Variants in TUBA1C observed in about 807,000 individuals in gnomAD.
TUBA1C encodes tubulin alpha 1c, also known as tubulin alpha-1C chain.
Under a neutral mutation model 34.9 loss-of-function variants are expected in TUBA1C, and 16 were observed. That is an observed-to-expected ratio of 0.46 (90% CI 0.31 to 0.70). TUBA1C has a LOEUF of 0.70. Ranked by LOEUF, TUBA1C falls within the 30% of genes least tolerant of loss-of-function variation. The probability of loss-of-function intolerance (pLI) is 0.05; values close to 1 mark genes in which losing one functional copy is unlikely to be tolerated. For missense variants in TUBA1C, 329 were observed against 587.3 expected, an observed-to-expected ratio of 0.56 and a Z score of 4.55; for synonymous variants, 177 against 215.9, an observed-to-expected ratio of 0.82 and a Z score of 1.58.
intron 1 of TUBA1C, among the ~76,000 whole-genome samples, chr12:49,268,514 A>G (rs1942946475): frequency 6.6e-6 from 1 of 151,884 alleles, no homozygotes; most frequent in African/African-American, 2.4e-5. Flanking sequence ...AAGTGCTGGG[A>G]TTACAGGTGT....
intron 1 of TUBA1C, chr12:49,257,861 A>AT (rs1376228033): frequency 1.6e-5 from 3 of 192,168 alleles, no homozygotes; most frequent in Non-Finnish European, 2.2e-5. Flanking sequence ...AAAAGTTTAC[A>AT]ATTTTTTTTT....
intron 3 of TUBA1C, chr12:49,270,183 AT>A: frequency 1.8e-6 from 2 of 1,094,438 alleles, no homozygotes; most frequent in Non-Finnish European, 2.7e-6. Flanking sequence ...TCTTTAGCCT[AT>A]TTTGCTTCAA....
chr12:49,239,619 C>T (rs998372861), intron 1 of TUBA1C, among the ~76,000 whole-genome samples: 13 of 147,878 alleles, frequency 8.8e-5, no homozygotes, highest in East Asian at 4.0e-4. Context: ...CCATCCTGGG[C>T]GACAGAGTAA....
At chr12:49,234,675 C>T (rs1054460239) in intron 1 of TUBA1C, among the ~76,000 whole-genome samples, 1 of 152,162 alleles carries the variant, frequency 6.6e-6, no homozygotes, top group Non-Finnish European at 1.5e-5. Flanking sequence ...CGCGGCCCGG[C>T]GAGCGCGCCC....
At chr12:49,235,951 T>C (rs1351272298) in intron 1 of TUBA1C, among the ~76,000 whole-genome samples, 1 of 152,154 alleles carries the variant, frequency 6.6e-6, no homozygotes, top group Non-Finnish European at 1.5e-5. Flanking sequence ...ATGCTTTCCA[T>C]CAGTGCACAC....
In TUBA1C at chr12:49,272,829, T is replaced by TTA; in HGVS notation, c.955_956dup (p.Arg320ThrfsTer60). The TTA allele has an allele frequency of 6.2e-7, 1 of 1,614,142 alleles. No homozygotes were observed. The highest frequency in any genetic ancestry group is 8.5e-7 in the Non-Finnish European group (1 of 1,180,006). On this transcript the variant is annotated frameshift_variant, in exon 4 of 4. Transcript: ENST00000301072. LOFTEE classifies it high-confidence loss of function. ...TGGTAAATACATGGCTTGCTGCCTG[T>TTA]TATACCGTGGTGACGTGGTTCCCAA... is the stretch of plus-strand genomic sequence containing the variant.
chr12:49,268,498 C>T (rs1198620209), intron 1 of TUBA1C, among the ~76,000 whole-genome samples: 1 of 152,076 alleles, frequency 6.6e-6, no homozygotes, highest in African/African-American at 2.4e-5. Flanking sequence ...TCACCTTGGC[C>T]TCCCAAAGTG....
intron 1 of TUBA1C, among the ~76,000 whole-genome samples, chr12:49,248,586 G>T (rs1296260960): frequency 6.6e-6 from 1 of 150,516 alleles, no homozygotes; most frequent in Non-Finnish European, 1.5e-5. Context: ...GAAAAGGGCC[G>T]GGCACGGTGG....
intron 1 of TUBA1C, among the ~76,000 whole-genome samples, chr12:49,267,265 T>C (rs566661335): frequency 6.6e-6 from 1 of 152,370 alleles, no homozygotes; most frequent in South Asian, 2.1e-4. Flanking sequence ...TGAGTGGATC[T>C]TCTCAGATAC....
chr12:49,253,688 A>G (rs560924058), intron 1 of TUBA1C, among the ~76,000 whole-genome samples: 3 of 152,190 alleles, frequency 2.0e-5, no homozygotes, highest in Admixed American at 2.0e-4. Flanking sequence ...CCACCACACC[A>G]TGCTAATTTT....
chr12:49,256,273 C>A, intron 1 of TUBA1C: 1 of 324,598 alleles, frequency 3.1e-6, no homozygotes, highest in Admixed American at 3.7e-5. Flanking sequence ...ATTTTTTTTT[C>A]CTCTGAAACA....
At chr12:49,269,338 C>T in intron 1 of TUBA1C, 127 bp from the exon 2 acceptor site, 7 of 1,445,802 alleles carry the variant, frequency 4.8e-6, no homozygotes, top group Admixed American at 4.0e-5. Flanking sequence ...ACTGGGATTA[C>T]AGGTGTGAGT....
chr12:49,242,320 G>A (rs1942625685), intron 1 of TUBA1C, among the ~76,000 whole-genome samples: 2 of 152,030 alleles, frequency 1.3e-5, no homozygotes, highest in Non-Finnish European at 2.9e-5. Context: ...AGACAAGGTG[G>A]CATGAGGAAA....
intron 3 of TUBA1C, among the ~76,000 whole-genome samples, chr12:49,270,943 C>T (rs1436002287): frequency 6.6e-6 from 1 of 152,132 alleles, no homozygotes; most frequent in Admixed American, 6.5e-5. Flanking sequence ...CGTGCCACTG[C>T]ACTCCAGCCT....
At position 49,270,944 on chromosome 12, in the gene TUBA1C, A is replaced by T. The variant is rs187171568; in HGVS notation, c.375+968A>T. ...CAGTGAGCCGAGATCGTGCCACTGC[A>T]CTCCAGCCTGGGCGACAGAGTGAGA... is the stretch of plus-strand genomic sequence containing the variant. On this transcript the variant is annotated intron_variant, in intron 3 of 3. Transcript: ENST00000301072. 5.1e-4 allele frequency among the ~76,000 whole-genome samples: 78 copies of T among 152,266 alleles called. 1 individual carries two copies. The highest frequency in any genetic ancestry group is 5.8e-4 in the East Asian group (3 of 5,184).
chr12:49,256,243 G>A (rs1942783434), intron 1 of TUBA1C, among the ~76,000 whole-genome samples: 1 of 152,236 alleles, frequency 6.6e-6, no homozygotes, highest in Non-Finnish European at 1.5e-5. Context: ...AGCTTGTCAG[G>A]TGATCTCTGT....
chr12:49,264,753 C>T (rs1163563822), upstream of TUBA1C: 1 of 174,752 alleles, frequency 5.7e-6, no homozygotes, highest in Non-Finnish European at 1.2e-5. Flanking sequence ...GTGGACACCT[C>T]TGTCCCTGTC....
intron 1 of TUBA1C, among the ~76,000 whole-genome samples, chr12:49,255,624 T>A (rs1942776252): frequency 1.3e-5 from 2 of 151,970 alleles, no homozygotes; most frequent in African/African-American, 4.8e-5. Context: ...AGTGGCGCAA[T>A]CTCAGCTCAC....
In TUBA1C at chr12:49,269,969, G is replaced by T; in HGVS notation, c.368G>T (p.Arg123Leu). ...EIIDLVLDRI[R>L]KLADQCTGLQ... ...ATTGACCTCGTGTTGGACCGAATTC[G>T]CAAGCTGGTAAGTATAGTACTTTAA... Residue 123 changes from arginine to leucine, a missense_variant, in exon 3 of 4, where the codon CGC becomes CTC. Arg to Leu is a moderately radical substitution (Grantham distance 102). Around this residue, in one of 4 missense-constraint regions of TUBA1C, gnomAD observed 152 missense variants for 240.3 expected, o/e 0.63. Coordinates refer to ENST00000301072, the MANE Select transcript of TUBA1C (RefSeq NM_032704.5). 1 of 1,614,206 alleles carries T rather than the reference G, an allele frequency of 6.2e-7. No individual in the cohort carries two copies. The highest frequency in any genetic ancestry group is 8.5e-7 in the Non-Finnish European group (1 of 1,180,050).
Sources: allele counts gnomAD v4.1 joint callset (sites outside exome capture counted in the v4.1 genomes callset), GRCh38; gene constraint gnomAD v4.1.1; regional missense constraint gnomAD v4.1.1; transcripts MANE v1.5; gene names NCBI Gene and HGNC (gene_info 2026-07-23, HGNC 2026-07-21).